METTL15: variants seen among roughly 807,000 people sequenced by gnomAD.
METTL15 encodes the protein methyltransferase 15, mitochondrial 12S rRNA N4-cytidine, also known as 12S rRNA N(4)-cytidine methyltransferase METTL15.
Under a neutral mutation model 38.3 loss-of-function variants are expected in METTL15, and 34 were observed. The observed-to-expected ratio is 0.89, with a 90% confidence interval of 0.68 to 1.18. The LOEUF (loss-of-function observed/expected upper bound fraction) is 1.18. METTL15 is among the 50% of genes most tolerant of loss of function. The pLI, the probability that METTL15 is intolerant of heterozygous loss-of-function variation, is 0.00. For synonymous variants in METTL15, 162 were observed against 170.9 expected (o/e 0.95, Z 0.41); for missense variants, 438 against 498.4 (o/e 0.88, Z 1.15).
chr11:28,239,835 C>T (rs1213906103), intron 4 of METTL15, among the ~76,000 whole-genome samples: 1 of 152,138 alleles, frequency 6.6e-6, no homozygotes, highest in Non-Finnish European at 1.5e-5. Context: ...TTTATAATTC[C>T]TTACCCTTGC....
intron 3 of METTL15, among the ~76,000 whole-genome samples, chr11:28,166,218 A>G (rs971599173): frequency 6.6e-6 from 1 of 152,114 alleles, no homozygotes; most frequent in Non-Finnish European, 1.5e-5. Context: ...TGTAAACTCA[A>G]TGTTTTCTGA....
intron 4 of METTL15, among the ~76,000 whole-genome samples, chr11:28,212,768 A>G (rs1033147598): frequency 4.6e-5 from 7 of 152,312 alleles, no homozygotes; most frequent in Middle Eastern, 6.8e-3. Flanking sequence ...AGTTGAATCA[A>G]TTGATGTGGA....
At chr11:28,342,612 A>G (rs1339066133) in intron 3 of METTL15, among the ~76,000 whole-genome samples, 1 of 152,102 alleles carries the variant, frequency 6.6e-6, no homozygotes, top group Non-Finnish European at 1.5e-5. Flanking sequence ...TTTCTTCCCC[A>G]TTTTAAAAAA....
At chr11:28,527,796 C>T (rs1379443861), downstream of METTL15, among the ~76,000 whole-genome samples, 1 of 152,198 alleles carries the variant, frequency 6.6e-6, no homozygotes, top group Non-Finnish European at 1.5e-5. Context: ...AAATATGCTA[C>T]CATTTTTCTT....
intron 3 of METTL15, among the ~76,000 whole-genome samples, chr11:28,151,046 A>G (rs896411791): frequency 9.9e-5 from 15 of 151,450 alleles, no homozygotes; most frequent in Admixed American, 9.9e-4. Flanking sequence ...AAAAGGTAAT[A>G]AGGAAAGTTT....
At chr11:28,274,940 AAT>A (rs928517072) in intron 4 of METTL15, among the ~76,000 whole-genome samples, 3 of 150,986 alleles carry the variant, frequency 2.0e-5, no homozygotes, top group Non-Finnish European at 3.0e-5. Context: ...TATAATACAA[AAT>A]ATATATATAT....
At chr11:28,163,215 T>G in intron 3 of METTL15, 1 of 394,548 alleles carries the variant, frequency 2.5e-6, no homozygotes, top group Non-Finnish European at 4.5e-6. Flanking sequence ...GGTGTGATAA[T>G]GAGTGGAGAA....
chr11:28,385,438 G>C (rs1850429988), intron 5 of METTL15, among the ~76,000 whole-genome samples: 1 of 152,096 alleles, frequency 6.6e-6, no homozygotes. Context: ...CTTTGTCAAA[G>C]ATTAGATGGT....
chr11:28,127,008 T>C (rs1852516668), intron 3 of METTL15, among the ~76,000 whole-genome samples: 1 of 152,112 alleles, frequency 6.6e-6, no homozygotes, highest in Non-Finnish European at 1.5e-5. Flanking sequence ...ACAAAAGTTC[T>C]GTGCTGGGAA....
chr11:28,201,594 G>C (rs1455287301), intron 3 of METTL15, among the ~76,000 whole-genome samples: 2 of 8,252 alleles, frequency 2.4e-4, no homozygotes, highest in Non-Finnish European at 6.6e-4. Context: ...ACTTCTTCCT[G>C]GTTTAGTCTT....
At chr11:28,240,397 A>G (rs1326797793) in intron 4 of METTL15, among the ~76,000 whole-genome samples, 1 of 152,222 alleles carries the variant, frequency 6.6e-6, no homozygotes, top group South Asian at 2.1e-4. Flanking sequence ...CTATGAAACT[A>G]TAGTTGTAAA....
chr11:28,532,002 A>C (rs1279860927), downstream of METTL15, among the ~76,000 whole-genome samples: 1 of 152,048 alleles, frequency 6.6e-6, no homozygotes, highest in Non-Finnish European at 1.5e-5. Flanking sequence ...CACTGCCTCC[A>C]TGGAGATGAA....
intron 3 of METTL15, among the ~76,000 whole-genome samples, chr11:28,161,277 C>A (rs1850454372): frequency 6.6e-6 from 1 of 151,850 alleles, no homozygotes; most frequent in African/African-American, 2.4e-5. Context: ...TGCAGGCCAC[C>A]ACCCCAGCTA....
rs537245872 is a variant in METTL15 at position 28,360,616 on chromosome 11, G to C, written c.*259-1321G>C. 2.0e-5 allele frequency among the ~76,000 whole-genome samples: 3 copies of C among 152,264 alleles called. No homozygotes were observed. The South Asian group carries it at 6.2e-4, about 32-fold the overall frequency. On this transcript the variant is annotated intron_variant and NMD_transcript_variant, in intron 4 of 7. Coordinates refer to the METTL15 transcript ENST00000532947. ...CCAGAGGCTCTCTAGAATCTAGGAA[G>C]CCTGACTTCATGGTGCTTTCACGAT...
chr11:28,408,221 G>A (rs941955097), intron 5 of METTL15, among the ~76,000 whole-genome samples: 7 of 152,058 alleles, frequency 4.6e-5, no homozygotes, highest in African/African-American at 1.7e-4. Context: ...TTAATACTTC[G>A]GTGATGAGTT....
At chr11:28,248,657 G>A (rs1347734096) in intron 4 of METTL15, among the ~76,000 whole-genome samples, 1 of 151,522 alleles carries the variant, frequency 6.6e-6, no homozygotes, top group African/African-American at 2.4e-5. Context: ...GCATTTTATG[G>A]GTAGATAACT....
intron 5 of METTL15, among the ~76,000 whole-genome samples, chr11:28,293,201 A>C (rs1225649594): frequency 1.3e-5 from 2 of 152,182 alleles, no homozygotes; most frequent in Non-Finnish European, 2.9e-5. Context: ...CTAACATTTA[A>C]GTCTTTAATC....
chr11:28,246,643 A>C (rs1854525409), intron 4 of METTL15, among the ~76,000 whole-genome samples: 1 of 152,168 alleles, frequency 6.6e-6, no homozygotes, highest in Admixed American at 6.6e-5. Context: ...TCTAGCTACT[A>C]TATTGCTATT....
At chr11:28,381,247 T>A (rs926179025) in intron 5 of METTL15, among the ~76,000 whole-genome samples, 1 of 152,072 alleles carries the variant, frequency 6.6e-6, no homozygotes, top group Non-Finnish European at 1.5e-5. Context: ...GATCCTCCTA[T>A]CTTAGCCTCC....
Sources: allele counts gnomAD v4.1 joint callset (sites outside exome capture counted in the v4.1 genomes callset), GRCh38; gene constraint gnomAD v4.1.1; transcripts MANE v1.5; gene names NCBI Gene and HGNC (gene_info 2026-07-23, HGNC 2026-07-21).